Variants in IGSF10 observed in about 807,000 individuals in gnomAD.
The protein encoded by IGSF10 is calvaria mechanical force protein 608.
Under a neutral mutation model 128.2 loss-of-function variants are expected in IGSF10, and 126 were observed. The observed-to-expected ratio is 0.98, with a 90% CI of 0.85 to 1.14. The LOEUF (loss-of-function observed/expected upper bound fraction) is 1.14, where lower values mean the gene tolerates loss of function less well. Ranked by LOEUF, IGSF10 falls within the 50% of genes most tolerant of loss-of-function variation. The probability of loss-of-function intolerance (pLI) is 0.00; values close to 1 mark genes in which losing one functional copy is unlikely to be tolerated. For missense variants in IGSF10, 3,295 were observed against 3,149.8 expected, an observed-to-expected ratio of 1.05 and a Z score of -1.10; for synonymous variants, 1,185 against 1,146.2, an observed-to-expected ratio of 1.03 and a Z score of -0.68.
the IGSF10 span, among the ~76,000 whole-genome samples, chr3:151,529,193 G>A: frequency 0.31 from 46,936 of 152,030 alleles, 7,837 homozygotes; most frequent in Middle Eastern, 0.43. Flanking sequence ...AAAAAGAAAG[G>A]TAGCACCCCC....
At chr3:151,487,022 CAA>C in the IGSF10 span, among the ~76,000 whole-genome samples, 82 of 151,534 alleles carry the variant, frequency 5.4e-4, no homozygotes, top group South Asian at 9.2e-3. Flanking sequence ...AAATACCTTT[CAA>C]AAAAAAATTA....
upstream of IGSF10, among the ~76,000 whole-genome samples, chr3:151,463,551 T>TTG (rs1722163561): frequency 1.8e-5 from 2 of 111,394 alleles, 1 homozygote; most frequent in African/African-American, 7.5e-5. Context: ...TTTTTTTTTT[T>TTG]TTTTTTTTTT....
In IGSF10 at chr3:151,448,888, T is replaced by C. The variant is rs1336170044; in HGVS notation, c.1093A>G (p.Asn365Asp). The C allele has an allele frequency of 1.4e-5, 23 of 1,614,144 alleles. No homozygotes were observed. Among genetic ancestry groups the C allele is most frequent in the Non-Finnish European group, 1.8e-5 (21 of 1,180,050 alleles). The change falls in exon 6 of 8, where the codon AAC (asparagine) becomes GAC (aspartate). Residue 365 changes from asparagine (N) to aspartate (D), a missense_variant. Coordinates refer to ENST00000282466, the MANE Select transcript of IGSF10 (RefSeq NM_178822.5). ...GGCTGAATGTGACCGTAATCTATGT[T>C]GCACACCAAAAATGTTGAAAATGAA... ...NTSFSTFLVC[N>D]IDYGHIQPVW...
downstream of IGSF10, chr3:151,432,746 C>G (rs758337755): frequency 6.2e-7 from 1 of 1,611,792 alleles, no homozygotes. Flanking sequence ...TTATTTTTCT[C>G]CTTAGGCAAC....
the IGSF10 span, among the ~76,000 whole-genome samples, chr3:151,614,565 G>A: frequency 2.0e-5 from 3 of 151,812 alleles, no homozygotes; most frequent in South Asian, 2.1e-4. Flanking sequence ...GCAAACTATC[G>A]CAAGGACAAA....
chr3:151,488,241 G>C, the IGSF10 span, among the ~76,000 whole-genome samples: 3 of 151,970 alleles, frequency 2.0e-5, no homozygotes, highest in African/African-American at 7.3e-5. Flanking sequence ...AGAGAATTAA[G>C]TACCTAGGAA....
the IGSF10 span, among the ~76,000 whole-genome samples, chr3:151,550,650 AAAG>A: frequency 6.6e-4 from 101 of 152,318 alleles, 1 homozygote; most frequent in Middle Eastern, 0.01. Flanking sequence ...GATTTTTAAA[AAAG>A]AAGTTGGTCA....
Position 151,445,970 on chromosome 3 carries a change from C to T in IGSF10, c.4011G>A (p.Glu1337=), listed in dbSNP as rs773577622. Residue 1337 remains glutamate (E), a synonymous_variant, in exon 6 of 8, where the codon GAG becomes GAA. Coordinates refer to ENST00000282466, the MANE Select transcript of IGSF10 (RefSeq NM_178822.5). ...TTTGTATTGTTTGTGCTCTAGATCT[C>T]TCTGTTTGGGTTTCATAAGTGATGA... The part of the protein sequence containing the change: ...ASVITYETQT[E]RSRAQTIQRE... The T allele has an allele frequency of 1.9e-6, 3 of 1,614,154 alleles. No homozygotes were observed. The highest frequency in any genetic ancestry group is 1.7e-5 in the Admixed American group (1 of 60,020).
the IGSF10 span, among the ~76,000 whole-genome samples, chr3:151,607,912 G>GAAAAAAAAAAAAAAAAAAAA: frequency 2.4e-5 from 1 of 42,044 alleles, no homozygotes; most frequent in Non-Finnish European, 4.0e-5. Flanking sequence ...CTCCATCTCG[G>GAAAAAAAAAAAAAAAAAAAA]AAAAAAAAAA....
intron 7 of IGSF10, chr3:151,440,552 T>C: frequency 2.2e-6 from 1 of 456,724 alleles, no homozygotes; most frequent in Middle Eastern, 3.3e-4. Context: ...AAAATTGGTA[T>C]TTAGAGAGAT....
the IGSF10 span, among the ~76,000 whole-genome samples, chr3:151,547,419 A>AAC: frequency 7.1e-6 from 1 of 141,678 alleles, no homozygotes; most frequent in African/African-American, 2.7e-5. Flanking sequence ...ATATTATATA[A>AAC]ATATATATAT....
chr3:151,490,341 T>C, the IGSF10 span, among the ~76,000 whole-genome samples: 1 of 152,168 alleles, frequency 6.6e-6, no homozygotes, highest in South Asian at 2.1e-4. Flanking sequence ...TGATTGTAAA[T>C]GTATTTGCAC....
chr3:151,444,929 T>TA lies in IGSF10; in HGVS notation c.5051_5052insT (p.Arg1684SerfsTer7). On this transcript the variant is annotated frameshift_variant, in exon 6 of 8. Transcript: ENST00000282466. LOFTEE classifies it high-confidence loss of function. ...AAAAGTTTCACATACCTGATGGGACTCTGGTCCAATGAATGGTGGGCAGGG... is the reference window on the plus strand; with the variant it reads ...AAAAGTTTCACATACCTGATGGGACTACTGGTCCAATGAATGGTGGGCAGGG... The TA allele has an allele frequency of 6.2e-7, 1 of 1,602,594 alleles. No homozygotes were observed. Among genetic ancestry groups the TA allele is most frequent in the Non-Finnish European group, 8.5e-7 (1 of 1,176,314 alleles).
chr3:151,579,132 T>C, the IGSF10 span, among the ~76,000 whole-genome samples: 111,419 of 152,088 alleles, frequency 0.73, 40,938 homozygotes, highest in African/African-American at 0.79. Context: ...CACAAGATAA[T>C]GCTAGAGAAA....
chr3:151,595,799 A>T, the IGSF10 span, among the ~76,000 whole-genome samples: 1 of 151,376 alleles, frequency 6.6e-6, no homozygotes, highest in African/African-American at 2.4e-5. Flanking sequence ...GAGAAGGAGA[A>T]GGAGGAGGAA....
the IGSF10 span, among the ~76,000 whole-genome samples, chr3:151,518,416 A>G: frequency 1.3e-5 from 2 of 152,010 alleles, no homozygotes; most frequent in Admixed American, 1.3e-4. Flanking sequence ...TCTTTGCTCA[A>G]TTAAACCATT....
At chr3:151,573,593 C>G in the IGSF10 span, among the ~76,000 whole-genome samples, 1 of 152,116 alleles carries the variant, frequency 6.6e-6, no homozygotes, top group Non-Finnish European at 1.5e-5. Context: ...AGATCTTCCT[C>G]CATTCCTTAA....
Position 151,453,547 on chromosome 3 carries a change from G to T in IGSF10, c.552C>A (p.Ile184=), listed in dbSNP as rs1392069180. The change falls in exon 5 of 8, where the codon ATC becomes ATA. Residue 184 remains isoleucine, a synonymous_variant. Coordinates refer to ENST00000282466, the MANE Select transcript of IGSF10 (RefSeq NM_178822.5). ...ACAAGTATAGGAACTTAATGAAAGA[G>T]ATTTTAAATATCTGGAGGTAGCTCA... is the stretch of plus-strand genomic sequence containing the variant. ...VSLSYLQIFK[I]SFIKFLYLSD... is the part of the protein sequence containing the mutation. 1 of 1,614,020 alleles carries T rather than the reference G, an allele frequency of 6.2e-7. No individual in the cohort carries two copies. The highest frequency in any genetic ancestry group is 1.7e-5 in the Admixed American group (1 of 60,022).
At chr3:151,603,014 T>G in the IGSF10 span, among the ~76,000 whole-genome samples, 2 of 152,226 alleles carry the variant, frequency 1.3e-5, no homozygotes, top group Non-Finnish European at 2.9e-5. Flanking sequence ...CTGCAATTAT[T>G]TCATATCTTT....
Sources: allele counts gnomAD v4.1 joint callset (sites outside exome capture counted in the v4.1 genomes callset), GRCh38; gene constraint gnomAD v4.1.1; transcripts MANE v1.5; gene names NCBI Gene and HGNC (gene_info 2026-07-23, HGNC 2026-07-21).